RPS6KA3: variants seen among roughly 807,000 people sequenced by gnomAD.
RPS6KA3 encodes the protein ribosomal protein S6 kinase alpha-3.
A neutral mutation model predicts 67.2 loss-of-function variants in RPS6KA3; 4 were observed. The ratio of observed to expected loss-of-function variants is 0.06; its 90% CI spans 0.03 to 0.14. The LOEUF is 0.14. RPS6KA3 is among the 10% of genes least tolerant of loss of function. The pLI, the probability that RPS6KA3 is intolerant of heterozygous loss-of-function variation, is 1.00. For synonymous variants in RPS6KA3, 182 were observed against 183.7 expected, an observed-to-expected ratio of 0.99 and a Z score of 0.07; for missense variants, 204 against 559.0, an observed-to-expected ratio of 0.36 and a Z score of 6.40.
Position 20,266,821 on chromosome X carries a change from C to T in RPS6KA3, c.-189G>A. On this transcript the variant is annotated 5_prime_UTR_variant, in exon 1 of 22. Coordinates refer to ENST00000379565, the MANE Select transcript of RPS6KA3 (RefSeq NM_004586.3). The stretch of plus-strand genomic sequence containing the variant: ...GAGAGGGCTCGACGCCGACGCCGAC[C>T]GCCCGAAAGCCGCGCGCCTGGCCAG... 8.5e-6 allele frequency: 3 copies of T among 353,204 alleles called. No homozygotes were observed. Among genetic ancestry groups the T allele is most frequent in the Non-Finnish European group, 1.1e-5 (3 of 272,733 alleles). The allele number at this position is 353,204 out of a possible 1,213,427, so 29.1% of individuals were successfully genotyped here.
chrX:20,224,356 A>C lies in RPS6KA3; in HGVS notation c.126+10402T>G, dbSNP rs978109641. 4.5e-5 allele frequency among the ~76,000 whole-genome samples: 5 copies of C among 110,746 alleles called. No individual in the cohort carries two copies. The South Asian group carries it at 1.9e-3, about 42-fold the overall frequency. On this transcript the variant is annotated intron_variant, in intron 2 of 21. Coordinates refer to ENST00000379565, the MANE Select transcript of RPS6KA3 (RefSeq NM_004586.3). ...GGGGACTGTGACAGAGTTCCTGAAA[A>C]CTTTTCTACACCATACATAACACCT...
rs1208385930 is a variant in RPS6KA3, at chrX:20,187,645, T to A, written c.774+183A>T. Among the ~76,000 whole-genome samples, 3 of 112,205 alleles carry A rather than the reference T, an allele frequency of 2.7e-5. No individual in the cohort carries two copies. In the East Asian group the frequency reaches 8.3e-4, roughly 31 times the overall value. On this transcript the variant is annotated intron_variant, in intron 9 of 21. Transcript: ENST00000379565. ...TTTTTTTTGCCCTTTCAAATTAGGA[T>A]GAGATAGACGCAGCTAACAGATTTC...
chrX:20,220,307 A>T (rs941498561), intron 2 of RPS6KA3, among the ~76,000 whole-genome samples: 1 of 112,006 alleles, frequency 8.9e-6, no homozygotes, highest in Non-Finnish European at 1.9e-5. Flanking sequence ...AGAACTTTGA[A>T]TTCCGCCCGG....
intron 1 of RPS6KA3, among the ~76,000 whole-genome samples, chrX:20,260,953 C>T (rs1343373797): frequency 2.7e-5 from 3 of 112,152 alleles, no homozygotes; most frequent in African/African-American, 9.7e-5. Context: ...ATCCAAATAA[C>T]CCCACAAAGT....
chrX:20,188,033 G>A (rs2068029224), intron 8 of RPS6KA3, 63 bp from the exon 9 acceptor site: 5 of 999,364 alleles, frequency 5.0e-6, no homozygotes, highest in South Asian at 2.0e-5. Context: ...TAAACTTTGA[G>A]TTCTGACATT....
chrX:20,176,258 GT>G lies in RPS6KA3; in HGVS notation c.1093del (p.Thr365LeufsTer60). ...TCACATTTTCTCCTTACCTTTGGGA[GT>G]TTTTGCAGTAAACTCAGGATCAAAA... ...FYFDPEFTAK[T>X]PKDSPGIPPS... is the part of the protein sequence containing the mutation. On this transcript the variant is annotated frameshift_variant, in exon 13 of 22. Coordinates refer to ENST00000379565, the MANE Select transcript of RPS6KA3 (RefSeq NM_004586.3). LOFTEE classifies it high-confidence loss of function. 1 of 1,140,806 alleles carries G rather than the reference GT, an allele frequency of 8.8e-7. No homozygotes were observed. The highest frequency in any genetic ancestry group is 1.2e-6 in the Non-Finnish European group (1 of 830,989). The allele number at this position is 1,140,806 out of a possible 1,213,427, so 94.0% of individuals were successfully genotyped here.
intron 7 of RPS6KA3, among the ~76,000 whole-genome samples, chrX:20,190,845 T>C (rs1022965434): frequency 5.4e-5 from 6 of 110,714 alleles, no homozygotes; most frequent in Non-Finnish European, 1.1e-4. Context: ...CCTGTGTTAA[T>C]ACAGAATTTA....
At chrX:20,238,938 G>C (rs2069483788) in intron 1 of RPS6KA3, among the ~76,000 whole-genome samples, 1 of 111,403 alleles carries the variant, frequency 9.0e-6, no homozygotes, top group African/African-American at 3.2e-5. Context: ...TTAGAGATTA[G>C]GTTACATGGA....
Position 20,176,171 on chromosome X carries a change from T to A in RPS6KA3, c.1102+79A>T, listed in dbSNP as rs1036140658. Reference sequence around the variant, plus strand: ...CAAGTGTGAGCCACCGCGCCCAGAGTCTGGAAAAGATTTTCTGATGAAACA... The same window carrying A: ...CAAGTGTGAGCCACCGCGCCCAGAGACTGGAAAAGATTTTCTGATGAAACA... On this transcript the variant is annotated intron_variant, in intron 13 of 21. Coordinates refer to ENST00000379565, the MANE Select transcript of RPS6KA3 (RefSeq NM_004586.3). The A allele has an allele frequency of 1.3e-5, 9 of 693,670 alleles. No homozygotes were observed. The African/African-American group carries it at 1.7e-4, about 13-fold the overall frequency. The allele number at this position is 693,670 out of a possible 1,213,427, so 57.2% of individuals were successfully genotyped here. A position where few individuals can be genotyped will look rare whatever the true frequency, so the allele number is the denominator to read the frequency against.
At chrX:20,208,459 T>A (rs1471213039) in intron 3 of RPS6KA3, among the ~76,000 whole-genome samples, 1 of 111,783 alleles carries the variant, frequency 8.9e-6, no homozygotes, top group African/African-American at 3.3e-5. Context: ...CTCACGCCTG[T>A]AATCCCAGCA....
At chrX:20,177,175 T>G (rs2067720429) in intron 10 of RPS6KA3, 91 bp from the exon 11 acceptor site, 1 of 619,210 alleles carries the variant, frequency 1.6e-6, no homozygotes, top group Non-Finnish European at 2.7e-6. Context: ...TTGAGATACT[T>G]GTAGATTCAC....
rs1269027151 is a variant in RPS6KA3, at chrX:20,151,939, G to A, written c.*3459C>T. 2.7e-5 allele frequency: 3 copies of A among 112,095 alleles called. No individual in the cohort carries two copies. Among genetic ancestry groups the A allele is most frequent in the South Asian group, 3.7e-4 (1 of 2,698 alleles). 9.2% of individuals were successfully genotyped at this position (112,095 alleles called of 1,213,427 possible). On this transcript the variant is annotated 3_prime_UTR_variant, in exon 22 of 22. Coordinates refer to ENST00000379565, the MANE Select transcript of RPS6KA3 (RefSeq NM_004586.3). ...TGTTCAAATCTTTCCTGGGCTGAAG[G>A]TGCAGGGCACAGCTAACTGGACAGC... is the stretch of plus-strand genomic sequence containing the variant.
intron 17 of RPS6KA3, 68 bp from the exon 18 acceptor site, chrX:20,165,128 C>T: frequency 1.1e-6 from 1 of 876,352 alleles, no homozygotes; most frequent in Non-Finnish European, 1.7e-6. Context: ...TCTTTATTCA[C>T]AAACTGTCAA....
At chrX:20,198,367 C>T (rs2068330090) in intron 4 of RPS6KA3, among the ~76,000 whole-genome samples, 1 of 111,835 alleles carries the variant, frequency 8.9e-6, no homozygotes, top group African/African-American at 3.3e-5. Context: ...TAGCACCCGA[C>T]TCTTAAAGAA....
At chrX:20,257,779 T>C (rs190793654) in intron 1 of RPS6KA3, among the ~76,000 whole-genome samples, 2 of 112,167 alleles carry the variant, frequency 1.8e-5, no homozygotes, top group Admixed American at 9.4e-5. Context: ...ACTGTTTATG[T>C]CTCGGTCTGT....
rs1036641050 is a variant in RPS6KA3, at chrX:20,168,652, T to C, written c.1443+750A>G. 3.6e-5 allele frequency among the ~76,000 whole-genome samples: 4 copies of C among 111,680 alleles called. No individual in the cohort carries two copies. In the South Asian group the frequency reaches 1.1e-3, roughly 31 times the overall value. ...TATTGAATATGAACTAATAGTAATA[T>C]TAACACTGAACATTTAGGTAAGTGT... is the stretch of plus-strand genomic sequence containing the variant. On this transcript the variant is annotated intron_variant, in intron 16 of 21. Coordinates refer to ENST00000379565, the MANE Select transcript of RPS6KA3 (RefSeq NM_004586.3).
intron 2 of RPS6KA3, among the ~76,000 whole-genome samples, chrX:20,233,768 C>CA (rs780523634): frequency 1.3e-3 from 138 of 110,068 alleles, no homozygotes; most frequent in African/African-American, 4.3e-3. Flanking sequence ...CCCCCCAAAA[C>CA]AAAAAAACAA....
At chrX:20,231,524 TACC>T (rs1450992806) in intron 2 of RPS6KA3, among the ~76,000 whole-genome samples, 1 of 111,525 alleles carries the variant, frequency 9.0e-6, no homozygotes, top group Admixed American at 9.5e-5. Flanking sequence ...AGGCTTGCTT[TACC>T]ACATTTAAAA....
chrX:20,253,009 C>A (rs749240139), intron 1 of RPS6KA3, among the ~76,000 whole-genome samples: 1 of 110,966 alleles, frequency 9.0e-6, no homozygotes. Flanking sequence ...CAATCTGCTA[C>A]TAGACCCCAC....
Sources: allele counts gnomAD v4.1 joint callset (sites outside exome capture counted in the v4.1 genomes callset), GRCh38; gene constraint gnomAD v4.1.1; transcripts MANE v1.5; gene names NCBI Gene and HGNC (gene_info 2026-07-23, HGNC 2026-07-21).